The following PIK3C2G variants were observed in gnomAD, a reference collection of about 807,000 sequenced individuals.
PIK3C2G encodes phosphatidylinositol-4-phosphate 3-kinase catalytic subunit type 2 gamma, also known as phosphatidylinositol 3-kinase C2 domain-containing subunit gamma.
PIK3C2G carries 168 observed loss-of-function variants against 181.1 expected under a neutral mutation model. The observed-to-expected ratio is 0.93, with a 90% CI of 0.82 to 1.05. The LOEUF is 1.05. PIK3C2G is among the 50% of genes least tolerant of loss of function. The pLI, the probability that PIK3C2G is intolerant of heterozygous loss-of-function variation, is 0.00. For missense variants in PIK3C2G, 1,869 were observed against 1,732.8 expected, an observed-to-expected ratio of 1.08 and a Z score of -1.40; for synonymous variants, 573 against 592.2, an observed-to-expected ratio of 0.97 and a Z score of 0.47.
At chr12:18,349,127 C>T (rs1027389172) in intron 11 of PIK3C2G, among the ~76,000 whole-genome samples, 1 of 152,104 alleles carries the variant, frequency 6.6e-6, no homozygotes, top group Non-Finnish European at 1.5e-5. Flanking sequence ...ACAGAAGAGA[C>T]AATCTTTGTA....
the PIK3C2G span, among the ~76,000 whole-genome samples, chr12:18,716,797 T>C: frequency 2.6e-5 from 4 of 152,368 alleles, no homozygotes; most frequent in East Asian, 1.9e-4. Flanking sequence ...TTATTTAGAT[T>C]GTGTAATGTT....
chr12:18,676,161 C>T, the PIK3C2G span, among the ~76,000 whole-genome samples: 1 of 152,040 alleles, frequency 6.6e-6, no homozygotes, highest in Non-Finnish European at 1.5e-5. Flanking sequence ...AGAAAATGGA[C>T]CCAAAACTGA....
At chr12:18,248,019 G>A (rs1565521011) in exon 1 of PIK3C2G, 2 of 152,116 alleles carry the variant, frequency 1.3e-5, no homozygotes, top group Non-Finnish European at 2.9e-5. Context: ...TGTAAACCAA[G>A]GAAATGGTAC....
chr12:18,270,055 G>A lies in PIK3C2G; in HGVS notation c.-79+8478G>A, dbSNP rs11043990. On this transcript the variant is annotated intron_variant, in intron 1 of 32. Coordinates refer to ENST00000538779, the MANE Select transcript of PIK3C2G (RefSeq NM_001288772.2). ...CTCCCATGTAGCTGGGATTATAGGCGTGAGCCACCACGCCCGGCTAATTTT... is the reference window on the plus strand; with the variant it reads ...CTCCCATGTAGCTGGGATTATAGGCATGAGCCACCACGCCCGGCTAATTTT... Among the ~76,000 whole-genome samples the A allele has an allele frequency of 1.4e-3, 219 of 151,762 alleles. 4 individuals are homozygous for A. In the East Asian group the frequency reaches 0.019, roughly 13 times the overall value.
chr12:18,380,066 A>G (rs1238587067), intron 13 of PIK3C2G, among the ~76,000 whole-genome samples: 2 of 152,168 alleles, frequency 1.3e-5, no homozygotes, highest in Non-Finnish European at 2.9e-5. Flanking sequence ...TCCTTCCAGG[A>G]TCTGAAACGG....
intron 26 of PIK3C2G, among the ~76,000 whole-genome samples, chr12:18,558,186 G>A (rs1434909232): frequency 3.3e-5 from 5 of 152,132 alleles, no homozygotes; most frequent in Non-Finnish European, 4.4e-5. Context: ...AAACGAGGAG[G>A]CCAGAAACAG....
At chr12:18,273,620 G>T (rs2137067773) in intron 1 of PIK3C2G, among the ~76,000 whole-genome samples, 1 of 152,212 alleles carries the variant, frequency 6.6e-6, no homozygotes, top group African/African-American at 2.4e-5. Flanking sequence ...GCTGAAACTG[G>T]ATCCCTTCTT....
intron 11 of PIK3C2G, among the ~76,000 whole-genome samples, chr12:18,354,029 T>C (rs1455306726): frequency 6.6e-6 from 1 of 152,230 alleles, no homozygotes; most frequent in Non-Finnish European, 1.5e-5. Context: ...CCTTCCCTGA[T>C]GCTATATGTG....
chr12:18,279,319 T>C (rs1280584706), intron 1 of PIK3C2G, among the ~76,000 whole-genome samples: 1 of 152,028 alleles, frequency 6.6e-6, no homozygotes, highest in Non-Finnish European at 1.5e-5. Flanking sequence ...TGTTAAAACA[T>C]GTGAATATCT....
intron 5 of PIK3C2G, among the ~76,000 whole-genome samples, chr12:18,300,050 G>A (rs1234217589): frequency 2.6e-5 from 4 of 151,928 alleles, no homozygotes; most frequent in African/African-American, 9.7e-5. Flanking sequence ...TTTGTAGAAT[G>A]AATTAGGAAA....
intron 31 of PIK3C2G, among the ~76,000 whole-genome samples, chr12:18,612,343 G>C (rs926486867): frequency 3.3e-5 from 5 of 151,966 alleles, no homozygotes; most frequent in African/African-American, 7.3e-5. Flanking sequence ...CTACAACACT[G>C]CTCCTCTTTG....
At chr12:18,511,710 G>T (rs1942218634) in intron 24 of PIK3C2G, among the ~76,000 whole-genome samples, 1 of 151,716 alleles carries the variant, frequency 6.6e-6, no homozygotes, top group Non-Finnish European at 1.5e-5. Flanking sequence ...ATATATTTTG[G>T]ATACTAACCC....
In PIK3C2G at chr12:18,391,135, C is replaced by G; in HGVS notation, c.2009C>G (p.Ala670Gly). The G allele has an allele frequency of 6.3e-7, 1 of 1,597,050 alleles. No individual in the cohort carries two copies. Among genetic ancestry groups the G allele is most frequent in the Non-Finnish European group, 8.5e-7 (1 of 1,172,408 alleles). ...TTTTTCTTTCAGATTGATTTTCCAG[C>G]TACTGGGTGGGAGTATATGAAACCT... ...SPVTLQIDFP[A>G]TGWEYMKPDS... The change falls in exon 15 of 33, where the codon GCT (alanine) becomes GGT (glycine). Residue 670 changes from alanine (A) to glycine (G), a missense_variant. Ala to Gly is a moderately conservative substitution (Grantham distance 60). Transcript: ENST00000538779.
the PIK3C2G span, chr12:18,693,489 C>T: frequency 6.2e-7 from 1 of 1,609,276 alleles, no homozygotes; most frequent in Non-Finnish European, 8.5e-7. Context: ...TTAGCCAAAG[C>T]AGTAGCAAAC....
chr12:18,656,649 T>A, the PIK3C2G span, among the ~76,000 whole-genome samples: 1 of 152,070 alleles, frequency 6.6e-6, no homozygotes, highest in Non-Finnish European at 1.5e-5. Context: ...GGTGGAAGGA[T>A]TGCTTGAGGC....
intron 29 of PIK3C2G, among the ~76,000 whole-genome samples, chr12:18,583,536 T>C (rs1177557586): frequency 6.6e-6 from 1 of 152,014 alleles, no homozygotes; most frequent in African/African-American, 2.4e-5. Context: ...GCCCTTGTCC[T>C]GCTGTCTCCA....
intron 31 of PIK3C2G, among the ~76,000 whole-genome samples, chr12:18,632,526 A>G (rs1336002076): frequency 6.6e-6 from 1 of 152,190 alleles, no homozygotes; most frequent in African/African-American, 2.4e-5. Flanking sequence ...ATAAGCATCA[A>G]TATAGACATA....
rs147193530 is a variant in PIK3C2G, at chr12:18,279,398, C to T, written c.-78-2606C>T. Among the ~76,000 whole-genome samples the T allele has an allele frequency of 5.9e-4, 90 of 151,918 alleles. 1 individual carries two copies. Among genetic ancestry groups the T allele is most frequent in the African/African-American group, 2.1e-3 (88 of 41,480 alleles). On this transcript the variant is annotated intron_variant, in intron 1 of 32. Transcript: ENST00000538779. ...TAGGTATCGTTAACAATAACAAGAT[C>T]GTCCAGCCTAAAGAAATCTTTAATT...
intron 14 of PIK3C2G, among the ~76,000 whole-genome samples, chr12:18,385,443 G>A (rs965932496): frequency 3.8e-4 from 58 of 152,114 alleles, no homozygotes; most frequent in African/African-American, 1.3e-3. Context: ...CTTAGCCTGG[G>A]TCTCCTTCAA....
Sources: gnomAD v4.1 joint callset for allele counts (sites outside exome capture counted in the v4.1 genomes callset) on GRCh38, gnomAD v4.1.1 for gene constraint, MANE v1.5 for transcripts, NCBI Gene and HGNC (gene_info 2026-07-23, HGNC 2026-07-21) for gene names.